The following ANKRD11 variants were observed in gnomAD, a reference collection of about 807,000 sequenced individuals.
The protein encoded by ANKRD11 is ankyrin repeat domain 11.
In ANKRD11, 17 loss-of-function variants were observed where a neutral mutation model predicts 195.7. The ratio of observed to expected loss-of-function variants is 0.09; its 90% CI spans 0.06 to 0.13. The LOEUF (loss-of-function observed/expected upper bound fraction) is 0.13. ANKRD11 is among the 10% of genes least tolerant of loss of function. ANKRD11 has a pLI of 1.00. For missense variants in ANKRD11, 3,735 were observed against 3,566.1 expected, an observed-to-expected ratio of 1.05 and a Z score of -1.21; for synonymous variants, 1,953 against 1,528.1, an observed-to-expected ratio of 1.28 and a Z score of -6.49.
intron 1 of ANKRD11, among the ~76,000 whole-genome samples, chr16:89,423,968 G>A (rs575595850): frequency 5.2e-4 from 79 of 152,182 alleles, no homozygotes; most frequent in African/African-American, 1.9e-3. Context: ...CCTTGTAAGC[G>A]GGTAAGGGGA....
chr16:89,304,761 G>A (rs535238792), intron 4 of ANKRD11, among the ~76,000 whole-genome samples: 4 of 152,282 alleles, frequency 2.6e-5, no homozygotes, highest in East Asian at 3.9e-4. Flanking sequence ...CTCAGACCCC[G>A]CCTGTGCTTG....
At chr16:89,350,444 C>T (rs2039155684) in intron 2 of ANKRD11, among the ~76,000 whole-genome samples, 1 of 152,294 alleles carries the variant, frequency 6.6e-6, no homozygotes, top group South Asian at 2.1e-4. Flanking sequence ...ATTGGATGAA[C>T]ATGCGACATA....
intron 1 of ANKRD11, among the ~76,000 whole-genome samples, chr16:89,435,832 A>ACACACACACACC (rs2043193663): frequency 6.6e-6 from 1 of 150,654 alleles, no homozygotes; most frequent in South Asian, 2.1e-4. Context: ...ACACACACAC[A>ACACACACACACC]CACGCTTTCG....
In ANKRD11 at chr16:89,278,814, C is replaced by T. The variant is rs1309598392; in HGVS notation, c.7470+258G>A. The T allele has an allele frequency of 4.5e-6, 3 of 665,678 alleles. No individual in the cohort carries two copies. In the African/African-American group the frequency reaches 5.3e-5, roughly 12 times the overall value. 41.2% of individuals were successfully genotyped at this position (665,678 alleles called of 1,614,324 possible). A position where few individuals can be genotyped will look rare whatever the true frequency, so the allele number is the denominator to read the frequency against. On this transcript the variant is annotated intron_variant, in intron 9 of 12. Coordinates refer to ENST00000301030, the MANE Select transcript of ANKRD11 (RefSeq NM_013275.6). ...CACACGAGTGGGACCGGGGTGCACC[C>T]AGGGTGAGGGGGAGGTCAGGAGACC...
intron 1 of ANKRD11, among the ~76,000 whole-genome samples, chr16:89,473,660 A>G (rs966489961): frequency 6.6e-6 from 1 of 152,168 alleles, no homozygotes; most frequent in African/African-American, 2.4e-5. Flanking sequence ...TGGAGGAGAG[A>G]GAGATGCAAC....
intron 1 of ANKRD11, among the ~76,000 whole-genome samples, chr16:89,438,043 T>C (rs760694974): frequency 2.0e-5 from 3 of 152,158 alleles, no homozygotes; most frequent in Non-Finnish European, 4.4e-5. Context: ...GAGTCCACCA[T>C]GAAGGCAAGT....
At chr16:89,489,960 G>GCC (rs1207292999) in intron 1 of ANKRD11, among the ~76,000 whole-genome samples, 1 of 142,584 alleles carries the variant, frequency 7.0e-6, no homozygotes, top group African/African-American at 2.6e-5. Context: ...GACCTCCCAG[G>GCC]CCCCCCCCGG....
chr16:89,291,119 C>T lies in ANKRD11; in HGVS notation c.291G>A (p.Leu97=). 1.9e-6 allele frequency: 3 copies of T among 1,614,004 alleles called. No homozygotes were observed. The highest frequency in any genetic ancestry group is 2.5e-6 in the Non-Finnish European group (3 of 1,179,992). Residue 97 remains leucine (L), a synonymous_variant, in exon 5 of 13, where the codon CTG becomes CTA. Transcript: ENST00000301030. The surrounding 1 kb of genome is among the most constrained non-coding windows in gnomAD (Gnocchi z 5.3). Reference sequence around the variant, plus strand: ...GGATTCCAGACAGCCCCATGCCAAACAGCAGCCCGGCCTTCCGGGTGACAG... The same window carrying T: ...GGATTCCAGACAGCCCCATGCCAAATAGCAGCCCGGCCTTCCGGGTGACAG... ...KEPVTRKAGL[L]FGMGLSGIRA...
intron 1 of ANKRD11, among the ~76,000 whole-genome samples, chr16:89,460,477 T>C (rs1270869236): frequency 6.6e-6 from 1 of 152,090 alleles, no homozygotes; most frequent in African/African-American, 2.4e-5. Context: ...GAAAATTGCT[T>C]GAACTTGGGA....
intron 2 of ANKRD11, among the ~76,000 whole-genome samples, chr16:89,381,331 C>CAAAAAAAAAAAAAAAAAA (rs10567322): frequency 1.3e-5 from 1 of 76,354 alleles, no homozygotes; most frequent in African/African-American, 5.7e-5. Flanking sequence ...GACTCTGCTG[C>CAAAAAAAAAAAAAAAAAA]AAAAAAAAAA....
In ANKRD11 at chr16:89,382,381, A is replaced by G. The variant is rs371112632; in HGVS notation, c.-60+35903T>C. ...CGTTCTGTCACCCAGGCTGGAGGGC[A>G]ATGGTGCAATCTCGGCTCACTGCCA... is the stretch of plus-strand genomic sequence containing the variant. On this transcript the variant is annotated intron_variant, in intron 2 of 12. Transcript: ENST00000301030. Among the ~76,000 whole-genome samples, 94 of 152,130 alleles carry G rather than the reference A, an allele frequency of 6.2e-4. 1 individual carries two copies. Among genetic ancestry groups the G allele is most frequent in the African/African-American group, 1.9e-3 (77 of 41,486 alleles).
rs115459407 is a variant in ANKRD11, at chr16:89,414,114, G to A, written c.-60+4170C>T. 2.8e-3 allele frequency among the ~76,000 whole-genome samples: 425 copies of A among 152,306 alleles called. 2 individuals carry two copies. Among genetic ancestry groups the A allele is most frequent in the Admixed American group, 6.2e-3 (95 of 15,300 alleles). ...ACTGCGCACTCGGGGACACTGAGGC[G>A]CACGATCGCACCTGCCTTACAAGTT... On this transcript the variant is annotated intron_variant, in intron 2 of 12. Coordinates refer to ENST00000301030, the MANE Select transcript of ANKRD11 (RefSeq NM_013275.6).
At chr16:89,441,045 G>T (rs2043435465) in intron 1 of ANKRD11, among the ~76,000 whole-genome samples, 1 of 152,108 alleles carries the variant, frequency 6.6e-6, no homozygotes, top group Non-Finnish European at 1.5e-5. Flanking sequence ...AGACCATCCT[G>T]GCTAACACCG....
At chr16:89,348,898 C>T (rs1409915527) in intron 2 of ANKRD11, among the ~76,000 whole-genome samples, 1 of 149,744 alleles carries the variant, frequency 6.7e-6, no homozygotes, top group African/African-American at 2.4e-5. Flanking sequence ...AACACCCAGC[C>T]GGGCATATCA....
At chr16:89,304,387 C>T (rs939621264) in intron 4 of ANKRD11, among the ~76,000 whole-genome samples, 4 of 150,388 alleles carry the variant, frequency 2.7e-5, no homozygotes, top group Non-Finnish European at 4.4e-5. Flanking sequence ...CACATGCAAA[C>T]GCACACATGG....
chr16:89,283,641 C>G lies in ANKRD11; in HGVS notation c.2901G>C (p.Lys967Asn). 6.2e-7 allele frequency: 1 copy of G among 1,611,012 alleles called. No individual in the cohort carries two copies. The highest frequency in any genetic ancestry group is 2.2e-5 in the East Asian group (1 of 44,888). ...SCKERRDGRA[K>N]PEEAHREELK... ...GCTCCTCCCGGTGCGCCTCCTCGGG[C>G]TTGGCCCTGCCGTCCCTGCGCTCCT... The change falls in exon 9 of 13, where the codon AAG becomes AAC. Residue 967 changes from lysine to asparagine, a missense_variant. Lys to Asn is a moderately conservative substitution (Grantham distance 94). Transcript: ENST00000301030. The surrounding 1 kb of genome is among the most constrained non-coding windows in gnomAD (Gnocchi z 4.3).
chr16:89,462,727 T>C (rs983115954), intron 1 of ANKRD11, among the ~76,000 whole-genome samples: 1 of 147,656 alleles, frequency 6.8e-6, no homozygotes, highest in Non-Finnish European at 1.5e-5. Flanking sequence ...CGCCGCCCCG[T>C]CTGGGATGTG....
intron 2 of ANKRD11, among the ~76,000 whole-genome samples, chr16:89,404,984 A>G (rs2041848234): frequency 6.6e-6 from 1 of 152,206 alleles, no homozygotes; most frequent in East Asian, 1.9e-4. Context: ...TAAAACTGAA[A>G]TCAGACTTCC....
chr16:89,305,258 C>A lies in ANKRD11; in HGVS notation c.174G>T (p.Arg58=), dbSNP rs781307679. 6.2e-7 allele frequency: 1 copy of A among 1,613,926 alleles called. No individual in the cohort carries two copies. Among genetic ancestry groups the A allele is most frequent in the African/African-American group, 1.3e-5 (1 of 75,036 alleles). ...TGGCGCCCGCGGTGAAGGGCAGCTT[C>A]CGCTTGCTGGCTCGCTCCCTCACCT... is the stretch of plus-strand genomic sequence containing the variant. ...GKEVRERASK[R]KLPFTAGANG... The change falls in exon 4 of 13, where the codon CGG becomes CGT. Residue 58 remains arginine, a synonymous_variant. Coordinates refer to ENST00000301030, the MANE Select transcript of ANKRD11 (RefSeq NM_013275.6).
Sources: allele counts gnomAD v4.1 joint callset (sites outside exome capture counted in the v4.1 genomes callset), GRCh38; gene constraint gnomAD v4.1.1; non-coding constraint Gnocchi (gnomAD v3.1); transcripts MANE v1.5; gene names NCBI Gene and HGNC (gene_info 2026-07-23, HGNC 2026-07-21).